NFIB: variants seen among roughly 807,000 people sequenced by gnomAD.
The protein encoded by NFIB is nuclear factor I B, also known as nuclear factor 1 B-type.
In NFIB, 11 loss-of-function variants were observed where a neutral mutation model predicts 61.5. The ratio of observed to expected loss-of-function variants is 0.18; its 90% CI spans 0.11 to 0.30. The LOEUF (loss-of-function observed/expected upper bound fraction) is 0.30, where lower values mean the gene tolerates loss of function less well. Ranked by LOEUF, NFIB falls within the 10% of genes least tolerant of loss-of-function variation. The probability of loss-of-function intolerance (pLI) is 1.00; values close to 1 mark genes in which losing one functional copy is unlikely to be tolerated. For missense variants in NFIB, 471 were observed against 608.9 expected, an observed-to-expected ratio of 0.77 and a Z score of 2.38; for synonymous variants, 260 against 216.5, an observed-to-expected ratio of 1.20 and a Z score of -1.76.
chr9:14,110,755 T>C (rs2037234771), intron 10 of NFIB, among the ~76,000 whole-genome samples: 3 of 152,134 alleles, frequency 2.0e-5, no homozygotes, highest in Non-Finnish European at 4.4e-5. Flanking sequence ...TTTGAAAGGC[T>C]AAAATGAATA....
At chr9:14,499,422 G>A in the NFIB span, among the ~76,000 whole-genome samples, 1 of 152,130 alleles carries the variant, frequency 6.6e-6, no homozygotes, top group Non-Finnish European at 1.5e-5. Flanking sequence ...CATGGTAACA[G>A]GTCTCCTTAC....
intron 2 of NFIB, among the ~76,000 whole-genome samples, chr9:14,288,014 G>A (rs1034993376): frequency 6.6e-6 from 1 of 152,022 alleles, no homozygotes. Flanking sequence ...ATGTAAACTG[G>A]ATGCAAAACT....
chr9:14,207,896 G>C (rs1419970757), intron 2 of NFIB, among the ~76,000 whole-genome samples: 1 of 151,996 alleles, frequency 6.6e-6, no homozygotes, highest in Admixed American at 6.6e-5. Flanking sequence ...TTCTCACACA[G>C]GGCTAAATGA....
chr9:14,513,510 C>G, the NFIB span, among the ~76,000 whole-genome samples: 1 of 151,856 alleles, frequency 6.6e-6, no homozygotes, highest in African/African-American at 2.4e-5. Flanking sequence ...TGCCTGTAAT[C>G]CTAGCTACTC....
chr9:14,359,042 G>C (rs942993053), intron 1 of NFIB, among the ~76,000 whole-genome samples: 1 of 152,250 alleles, frequency 6.6e-6, no homozygotes, highest in Non-Finnish European at 1.5e-5. Context: ...CCAATTCCAT[G>C]TTCATTGACT....
intron 10 of NFIB, among the ~76,000 whole-genome samples, chr9:14,097,012 C>A (rs75832364): frequency 6.6e-6 from 1 of 152,060 alleles, no homozygotes; most frequent in African/African-American, 2.4e-5. Flanking sequence ...GGCAAAACTA[C>A]GACAAATCCC....
At chr9:14,128,744 C>G (rs1401643209) in intron 6 of NFIB, among the ~76,000 whole-genome samples, 1 of 148,220 alleles carries the variant, frequency 6.7e-6, no homozygotes, top group African/African-American at 2.5e-5. Flanking sequence ...AGAAACAGAA[C>G]AGTGTCGTTC....
At chr9:14,106,973 C>CT (rs941876025) in intron 10 of NFIB, among the ~76,000 whole-genome samples, 1 of 151,888 alleles carries the variant, frequency 6.6e-6, no homozygotes, top group African/African-American at 2.4e-5. Context: ...TACCTTCTCA[C>CT]TTTTTTTTCT....
the NFIB span, among the ~76,000 whole-genome samples, chr9:14,507,943 C>T: frequency 6.7e-6 from 1 of 149,638 alleles, no homozygotes; most frequent in Non-Finnish European, 1.5e-5. Flanking sequence ...GGCATAAACA[C>T]ACACAGACAC....
At chr9:14,479,319 C>T in the NFIB span, among the ~76,000 whole-genome samples, 2 of 152,202 alleles carry the variant, frequency 1.3e-5, no homozygotes, top group African/African-American at 4.8e-5. Flanking sequence ...ATGGGAAACA[C>T]CCTCATGGTA....
At chr9:14,329,703 T>C (rs576759641) in intron 1 of NFIB, among the ~76,000 whole-genome samples, 48 of 151,592 alleles carry the variant, frequency 3.2e-4, no homozygotes, top group Non-Finnish European at 6.0e-4. Context: ...TTAGTAGAGA[T>C]GGAGTTTCAC....
chr9:14,527,913 T>C, the NFIB span, among the ~76,000 whole-genome samples: 4 of 152,178 alleles, frequency 2.6e-5, no homozygotes, highest in African/African-American at 7.2e-5. Context: ...TAGATTACCA[T>C]AGGAGTCTAG....
At chr9:14,195,658 G>A (rs891313847) in intron 2 of NFIB, among the ~76,000 whole-genome samples, 7 of 152,178 alleles carry the variant, frequency 4.6e-5, no homozygotes, top group African/African-American at 1.4e-4. Flanking sequence ...CAGCAATCTG[G>A]ATCCCAAAGC....
chr9:14,378,682 A>G (rs1350290151), intron 1 of NFIB, among the ~76,000 whole-genome samples: 1 of 152,176 alleles, frequency 6.6e-6, no homozygotes, highest in African/African-American at 2.4e-5. Context: ...ACACAGCACA[A>G]AATGTTATTG....
chr9:14,432,747 T>A, the NFIB span, among the ~76,000 whole-genome samples: 1 of 152,122 alleles, frequency 6.6e-6, no homozygotes, highest in Non-Finnish European at 1.5e-5. Context: ...GACCTCAGAG[T>A]AGAAAATAGT....
At chr9:14,224,118 C>A (rs35402224) in intron 2 of NFIB, among the ~76,000 whole-genome samples, 11,750 of 152,262 alleles carry the variant, frequency 0.077, 591 homozygotes, top group Middle Eastern at 0.12. Context: ...ATTATGTTTG[C>A]CTGAACAATT....
chr9:14,477,844 A>G, the NFIB span, among the ~76,000 whole-genome samples: 1 of 152,152 alleles, frequency 6.6e-6, no homozygotes, highest in African/African-American at 2.4e-5. Context: ...AGATTCGTTA[A>G]TCTAGCCACA....
chr9:14,370,742 G>T (rs1221315320), intron 1 of NFIB, among the ~76,000 whole-genome samples: 1 of 152,200 alleles, frequency 6.6e-6, no homozygotes, highest in Non-Finnish European at 1.5e-5. Context: ...GGTCACCTTT[G>T]CCATAGGGCT....
intron 2 of NFIB, among the ~76,000 whole-genome samples, chr9:14,253,673 A>T (rs2055902744): frequency 6.6e-6 from 1 of 152,098 alleles, no homozygotes; most frequent in Non-Finnish European, 1.5e-5. Context: ...TCCAAAAATA[A>T]TTTTTTAATA....
Sources: gnomAD v4.1 joint callset for allele counts (sites outside exome capture counted in the v4.1 genomes callset) on GRCh38, gnomAD v4.1.1 for gene constraint, MANE v1.5 for transcripts, NCBI Gene and HGNC (gene_info 2026-07-23, HGNC 2026-07-21) for gene names.